PRRT4: variants seen among roughly 807,000 people sequenced by gnomAD.
The protein encoded by PRRT4 is proline-rich transmembrane protein 4.
Under a neutral mutation model 55.6 loss-of-function variants are expected in PRRT4, and 59 were observed. The ratio of observed to expected loss-of-function variants is 1.06; its 90% confidence interval spans 0.86 to 1.32. The LOEUF (loss-of-function observed/expected upper bound fraction) is 1.32, where lower values mean the gene tolerates loss of function less well. PRRT4 is among the 40% of genes most tolerant of loss of function. The probability of loss-of-function intolerance (pLI) is 0.00; values close to 1 mark genes in which losing one functional copy is unlikely to be tolerated. For missense variants in PRRT4, 1,217 were observed against 1,222.0 expected (o/e 1.00, Z 0.06); for synonymous variants, 606 against 601.8 (o/e 1.01, Z -0.10).
chr7:128,352,778 T>G lies in PRRT4; in HGVS notation c.878-100A>C, dbSNP rs558263766. 6.5e-5 allele frequency: 76 copies of G among 1,176,172 alleles called. No individual in the cohort carries two copies. The South Asian group carries it at 1.2e-3, about 19-fold the overall frequency. 72.9% of individuals were successfully genotyped at this position (1,176,172 alleles called of 1,614,324 possible). A position where few individuals can be genotyped will look rare whatever the true frequency, so the allele number is the denominator to read the frequency against. Reference sequence around the variant, plus strand: ...ATGCCAGTCAGAGTCCCCTACCGTATCCAGGACACACTTGTCTTACATATG... The same window carrying G: ...ATGCCAGTCAGAGTCCCCTACCGTAGCCAGGACACACTTGTCTTACATATG... On this transcript the variant is annotated intron_variant, in intron 4 of 4. Transcript: ENST00000535159.
Position 128,351,920 on chromosome 7 carries a change from TGCGCCCCTGCGGCAGGGGTGTG to T in PRRT4, c.1614_1635del (p.Thr539AlafsTer25). The T allele has an allele frequency of 7.7e-7, 1 of 1,304,600 alleles. No individual in the cohort carries two copies. The highest frequency in any genetic ancestry group is 9.7e-7 in the Non-Finnish European group (1 of 1,032,574). The allele number at this position is 1,304,600 out of a possible 1,614,324, so 80.8% of individuals were successfully genotyped here. A position where few individuals can be genotyped will look rare whatever the true frequency, so the allele number is the denominator to read the frequency against. On this transcript the variant is annotated frameshift_variant, in exon 5 of 5. Coordinates refer to ENST00000535159, the Ensembl canonical transcript of PRRT4. LOFTEE classifies it high-confidence loss of function. Reference sequence around the variant, plus strand: ...CAGGACTCCCGAGGGGCGAAGGGGCTGCGCCCCTGCGGCAGGGGTGTGGCGCCCTTGAAGCCCGACCCTCCCA... The same window carrying T: ...CAGGACTCCCGAGGGGCGAAGGGGCTGCGCCCTTGAAGCCCGACCCTCCCA...
rs748562823 is a variant in PRRT4 at position 128,351,293 on chromosome 7, C to A, written c.2263G>T (p.Ala755Ser). The change falls in exon 5 of 5, where the codon GCT becomes TCT. Residue 755 changes from alanine (A) to serine (S), a missense_variant. Ala to Ser is a moderately conservative substitution (Grantham distance 99, BLOSUM62 1). This residue lies in a region of PRRT4 where 642 missense variants were observed against 600.9 expected (regional missense o/e 1.07). Coordinates refer to ENST00000535159, the Ensembl canonical transcript of PRRT4. Reference sequence around the variant, plus strand: ...CGGTAGAGTCCGAGCCCAGGCAGAGCGTCCTCGAAGGCAGGGCCCTGGAAG... The same window carrying A: ...CGGTAGAGTCCGAGCCCAGGCAGAGAGTCCTCGAAGGCAGGGCCCTGGAAG... 9 of 1,542,308 alleles carry A rather than the reference C, an allele frequency of 5.8e-6. No individual in the cohort carries two copies. In the Admixed American group the frequency reaches 1.8e-4, roughly 30 times the overall value.
intron 1 of PRRT4, among the ~76,000 whole-genome samples, chr7:128,360,987 GCA>G (rs140168327): frequency 9.0e-5 from 13 of 144,950 alleles, no homozygotes; most frequent in Non-Finnish European, 1.1e-4. Context: ...ACGCGCGCGC[GCA>G]CACACACACA....
At position 128,352,480 on chromosome 7, in the gene PRRT4, C is replaced by T. The variant is rs922688293; in HGVS notation, c.1076G>A (p.Trp359Ter). 12 of 1,540,476 alleles carry T rather than the reference C, an allele frequency of 7.8e-6. No individual in the cohort carries two copies. The highest frequency in any genetic ancestry group is 1.0e-5 in the Non-Finnish European group (12 of 1,146,760). ...CACGTGGGCCTCCCAGGCCAGCCCC[C>T]AGCGAGCCCTGGCCTCTGCCCAGTC... The change falls in exon 5 of 5, where the codon TGG becomes TAG. Residue 359 changes from tryptophan to a stop codon, truncating the protein, a stop_gained. Coordinates refer to ENST00000535159, the Ensembl canonical transcript of PRRT4. LOFTEE classifies it high-confidence loss of function.
exon 5 of PRRT4, chr7:128,352,039 G>A (rs1279993714): frequency 8.5e-6 from 11 of 1,296,012 alleles, no homozygotes; most frequent in Non-Finnish European, 1.1e-5. Flanking sequence ...AAGGAAAGCG[G>A]CGAGAAAGGC....
exon 5 of PRRT4, chr7:128,350,996 C>G (rs1235362089): frequency 1.3e-6 from 2 of 1,550,560 alleles, no homozygotes; most frequent in Admixed American, 3.9e-5. Flanking sequence ...GGGGACAGGG[C>G]CTGGTAGGAT....
At chr7:128,356,522 C>T (rs1247772597) in intron 4 of PRRT4, among the ~76,000 whole-genome samples, 1 of 152,198 alleles carries the variant, frequency 6.6e-6, no homozygotes, top group Non-Finnish European at 1.5e-5. Context: ...CAGTTTTCCC[C>T]AGAAGAGTCC....
chr7:128,351,901 T>C, exon 5 of PRRT4: 2 of 1,321,298 alleles, frequency 1.5e-6, no homozygotes, highest in Non-Finnish European at 1.9e-6. Flanking sequence ...CCGCCAGGAC[T>C]CCCGAGGGGC....
exon 2 of PRRT4, chr7:128,359,380 C>T (rs759262811): frequency 1.8e-5 from 27 of 1,468,718 alleles, no homozygotes; most frequent in Middle Eastern, 3.6e-4. Context: ...CCAGGCTGGC[C>T]CGCAGGCTGG....
chr7:128,352,095 C>A, exon 5 of PRRT4: 1 of 1,150,516 alleles, frequency 8.7e-7, no homozygotes, highest in Non-Finnish European at 1.1e-6. Flanking sequence ...GCGGGCGATG[C>A]GCGGCGCTCC....
At chr7:128,360,126 G>A (rs1379027514) in intron 1 of PRRT4, 63 bp from the exon 3 acceptor site, 1 of 665,852 alleles carries the variant, frequency 1.5e-6, no homozygotes, top group Non-Finnish European at 2.1e-6. Context: ...TCCCAGGATC[G>A]GATGTCCCAG....
Position 128,353,601 on chromosome 7 carries a change from T to C in PRRT4, c.878-923A>G, listed in dbSNP as rs1430313659. 2.6e-5 allele frequency among the ~76,000 whole-genome samples: 4 copies of C among 152,284 alleles called. No individual in the cohort carries two copies. In the East Asian group the frequency reaches 5.8e-4, roughly 22 times the overall value. Reference sequence around the variant, plus strand: ...AGCCTATCCATGGCAGTGACCCCTATCCTGCCTCATCCACAAAGCCATTGG... The same window carrying C: ...AGCCTATCCATGGCAGTGACCCCTACCCTGCCTCATCCACAAAGCCATTGG... On this transcript the variant is annotated intron_variant, in intron 4 of 4. Coordinates refer to ENST00000535159, the Ensembl canonical transcript of PRRT4.
chr7:128,360,242 C>T (rs1198895843), intron 1 of PRRT4, among the ~76,000 whole-genome samples, 179 bp from the exon 3 acceptor site: 1 of 152,208 alleles, frequency 6.6e-6, no homozygotes, highest in East Asian at 1.9e-4. Context: ...CCTTCAGGCC[C>T]CAGCACAAAT....
At chr7:128,359,200 G>A (rs1797179517) in exon 3 of PRRT4, 1 of 1,551,634 alleles carries the variant, frequency 6.4e-7, no homozygotes, top group Non-Finnish European at 8.7e-7. Flanking sequence ...GTTTCACCTG[G>A]GGGGCTCAGG....
chr7:128,357,209 TACACAC>T (rs763703914), intron 4 of PRRT4, among the ~76,000 whole-genome samples: 1 of 127,184 alleles, frequency 7.9e-6, no homozygotes, highest in Non-Finnish European at 1.7e-5. Context: ...TTGATACAAA[TACACAC>T]ACACACACAC....
intron 4 of PRRT4, among the ~76,000 whole-genome samples, chr7:128,355,601 A>AGACCTAT (rs1797096525): frequency 6.6e-6 from 1 of 152,344 alleles, no homozygotes; most frequent in Non-Finnish European, 1.5e-5. Context: ...CTTGCTGATC[A>AGACCTAT]GGTGGCATAG....
Position 128,357,675 on chromosome 7 carries a change from G to A in PRRT4, c.877+1006C>T, listed in dbSNP as rs894373111. Among the ~76,000 whole-genome samples, 7 of 152,338 alleles carry A rather than the reference G, an allele frequency of 4.6e-5. No homozygotes were observed. The South Asian group carries it at 1.2e-3, about 27-fold the overall frequency. ...TTAAGTCTGGAGCTGGAAGAAGCTG[G>A]GGAGACCAGTGGTTTCCACTGCTGA... On this transcript the variant is annotated intron_variant, in intron 4 of 4. Coordinates refer to ENST00000535159, the Ensembl canonical transcript of PRRT4.
At chr7:128,352,082 G>A (rs1411863111) in exon 5 of PRRT4, 2 of 1,176,272 alleles carry the variant, frequency 1.7e-6, no homozygotes, top group Non-Finnish European at 2.1e-6. Context: ...CGCAGGGGCC[G>A]CAGCGGGCGA....
intron 4 of PRRT4, among the ~76,000 whole-genome samples, chr7:128,354,394 T>C (rs1797066420): frequency 6.6e-6 from 1 of 151,980 alleles, no homozygotes; most frequent in African/African-American, 2.4e-5. Context: ...CAAAACCCCA[T>C]CTCTACTAAA....
Sources: allele counts gnomAD v4.1 joint callset (sites outside exome capture counted in the v4.1 genomes callset), GRCh38; gene constraint gnomAD v4.1.1; regional missense constraint gnomAD v4.1.1; transcripts MANE v1.5; gene names NCBI Gene and HGNC (gene_info 2026-07-23, HGNC 2026-07-21).